ITPR1: variants seen among roughly 807,000 people sequenced by gnomAD.
ITPR1 encodes inositol 1,4,5-trisphosphate-gated calcium channel ITPR1.
A neutral mutation model predicts 318.4 loss-of-function variants in ITPR1; 96 were observed. That is an observed-to-expected ratio of 0.30 (90% CI 0.26 to 0.36). The LOEUF (loss-of-function observed/expected upper bound fraction) is 0.36, where lower values mean the gene tolerates loss of function less well. Among genes scored for constraint, ITPR1 ranks in the 10% least tolerant of loss-of-function variants. The pLI is 1.00. For missense variants in ITPR1, 2,440 were observed against 3,460.2 expected, an observed-to-expected ratio of 0.71 and a Z score of 7.40; for synonymous variants, 1,312 against 1,289.9, an observed-to-expected ratio of 1.02 and a Z score of -0.37.
intron 44 of ITPR1, 113 bp downstream of exon 44, chr3:4,735,467 C>T: frequency 1.2e-6 from 1 of 811,936 alleles, no homozygotes; most frequent in Non-Finnish European, 2.0e-6. Context: ...ACAGCTCATT[C>T]TGAGGGCACA....
rs77375376 is a variant in ITPR1, at chr3:4,507,509, G to A, written c.-16-8967G>A. 8.5e-3 allele frequency among the ~76,000 whole-genome samples: 1,300 copies of A among 152,240 alleles called. 15 individuals carry two copies. Among genetic ancestry groups the A allele is most frequent in the African/African-American group, 0.03 (1,231 of 41,538 alleles). ...GGGGATACTTTTCAGTTGTTTTTGT[G>A]AAACAAAATTGCTTCCTAAAGTTCC... On this transcript the variant is annotated intron_variant, in intron 2 of 61. Coordinates refer to ENST00000649015, the MANE Select transcript of ITPR1 (RefSeq NM_001378452.1).
At chr3:4,513,541 G>C (rs559037408) in intron 2 of ITPR1, among the ~76,000 whole-genome samples, 1 of 152,210 alleles carries the variant, frequency 6.6e-6, no homozygotes, top group Admixed American at 6.5e-5. Flanking sequence ...TGATTTCAGG[G>C]GGAGATGTAA....
At chr3:4,768,339 G>T (rs1004843573) in intron 45 of ITPR1, 172 bp from the exon 46 acceptor site, 50 of 719,164 alleles carry the variant, frequency 7.0e-5, no homozygotes, top group Non-Finnish European at 9.2e-5. Flanking sequence ...GCCTGGCTCG[G>T]TTTTAATCCT....
At chr3:4,686,475 C>T (rs567318512) in intron 30 of ITPR1, among the ~76,000 whole-genome samples, 13 of 152,270 alleles carry the variant, frequency 8.5e-5, no homozygotes, top group African/African-American at 3.1e-4. Flanking sequence ...GTGTAAGGAA[C>T]GCGAGGGGGT....
At chr3:4,496,048 G>A (rs1006224113) in intron 2 of ITPR1, among the ~76,000 whole-genome samples, 14 of 152,158 alleles carry the variant, frequency 9.2e-5, no homozygotes, top group African/African-American at 3.4e-4. Flanking sequence ...AAGCCTGAAT[G>A]GGGAGAGTAA....
At chr3:4,785,086 A>G (rs1016011868) in intron 51 of ITPR1, among the ~76,000 whole-genome samples, 11 of 152,246 alleles carry the variant, frequency 7.2e-5, no homozygotes, top group Non-Finnish European at 1.0e-4. Context: ...AATTCTTTCA[A>G]TAAAGCTTTA....
At chr3:4,609,022 A>C (rs1467979180) in intron 4 of ITPR1, among the ~76,000 whole-genome samples, 1 of 133,448 alleles carries the variant, frequency 7.5e-6, no homozygotes, top group Non-Finnish European at 1.6e-5. Flanking sequence ...AAAAAAAAAA[A>C]AAACAAAAGA....
intron 5 of ITPR1, among the ~76,000 whole-genome samples, chr3:4,638,377 G>A (rs1346811557): frequency 2.0e-5 from 3 of 152,192 alleles, no homozygotes; most frequent in Non-Finnish European, 1.5e-5. Flanking sequence ...GATGAAGCCC[G>A]TTGCCCTTTA....
chr3:4,557,539 C>G (rs2086255970), intron 4 of ITPR1, among the ~76,000 whole-genome samples: 1 of 152,054 alleles, frequency 6.6e-6, no homozygotes, highest in Non-Finnish European at 1.5e-5. Context: ...CATGATAATT[C>G]CCTTTTGACT....
At chr3:4,839,333 A>C (rs1292573965) in intron 61 of ITPR1, among the ~76,000 whole-genome samples, 1 of 152,124 alleles carries the variant, frequency 6.6e-6, no homozygotes, top group Non-Finnish European at 1.5e-5. Context: ...ATCTCAAAAA[A>C]AAAAAAAGAA....
intron 25 of ITPR1, among the ~76,000 whole-genome samples, chr3:4,680,995 A>G (rs566427981): frequency 1.1e-4 from 17 of 151,616 alleles, no homozygotes; most frequent in Non-Finnish European, 2.2e-4. Context: ...GTAACAAAAA[A>G]CTCTCCAGGA....
intron 4 of ITPR1, among the ~76,000 whole-genome samples, chr3:4,534,431 C>T (rs2083679721): frequency 6.6e-6 from 1 of 152,174 alleles, no homozygotes; most frequent in Non-Finnish European, 1.5e-5. Context: ...AAAAATTGTG[C>T]TTATTCTCAT....
At chr3:4,580,469 T>G (rs1264701241) in intron 4 of ITPR1, among the ~76,000 whole-genome samples, 3 of 152,184 alleles carry the variant, frequency 2.0e-5, no homozygotes, top group Non-Finnish European at 4.4e-5. Flanking sequence ...TTGTAAGAAC[T>G]GCCAAGCCAA....
intron 4 of ITPR1, among the ~76,000 whole-genome samples, chr3:4,587,903 C>G (rs1221426668): frequency 6.6e-6 from 1 of 152,208 alleles, no homozygotes; most frequent in East Asian, 1.9e-4. Context: ...TTTAACACCT[C>G]TCATCTGACT....
chr3:4,678,653 G>A (rs781513958), intron 24 of ITPR1, among the ~76,000 whole-genome samples: 15 of 152,174 alleles, frequency 9.9e-5, no homozygotes, highest in African/African-American at 3.6e-4. Flanking sequence ...CTGGAGTCCG[G>A]GAGTGGGGTC....
At chr3:4,745,666 C>A (rs1443604702) in intron 44 of ITPR1, among the ~76,000 whole-genome samples, 1 of 152,160 alleles carries the variant, frequency 6.6e-6, no homozygotes. Context: ...ACTGCCCAGG[C>A]CTCCAGCAGC....
intron 38 of ITPR1, 111 bp from the exon 39 acceptor site, chr3:4,711,646 T>G: frequency 1.5e-6 from 1 of 680,026 alleles, no homozygotes; most frequent in Non-Finnish European, 2.6e-6. Flanking sequence ...ACCTGAGAGC[T>G]CTTAATAAAT....
Position 4,818,106 on chromosome 3 carries a change from A to G in ITPR1, c.7892A>G (p.Asn2631Ser). The G allele has an allele frequency of 6.2e-7, 1 of 1,604,496 alleles. No individual in the cohort carries two copies. Among genetic ancestry groups the G allele is most frequent in the East Asian group, 2.2e-5 (1 of 44,704 alleles). The stretch of plus-strand genomic sequence containing the variant: ...GGCTTGGAAAGAGACAAGTTTGACA[A>G]CAAGACTGTCACCTTTGAAGAGCAC... ...ICGLERDKFD[N>S]KTVTFEEHIK... The change falls in exon 60 of 62, where the codon AAC (asparagine) becomes AGC (serine). Residue 2631 changes from asparagine to serine, a missense_variant. This residue lies in a region of ITPR1 where 72 missense variants were observed against 197.7 expected (regional missense o/e 0.36). Coordinates refer to ENST00000649015, the MANE Select transcript of ITPR1 (RefSeq NM_001378452.1).
intron 41 of ITPR1, among the ~76,000 whole-genome samples, chr3:4,725,949 G>T (rs1039443904): frequency 2.6e-5 from 4 of 152,166 alleles, no homozygotes; most frequent in Admixed American, 2.0e-4. Context: ...CACTTTTGAA[G>T]TTATTATAAA....
Sources: gnomAD v4.1 joint callset for allele counts (sites outside exome capture counted in the v4.1 genomes callset) on GRCh38, gnomAD v4.1.1 for gene constraint, gnomAD v4.1.1 regional missense constraint, MANE v1.5 for transcripts, NCBI Gene and HGNC (gene_info 2026-07-23, HGNC 2026-07-21) for gene names.